Variants in DLGAP1 observed in about 807,000 individuals in gnomAD.
The protein encoded by DLGAP1 is disks large-associated protein 1.
A neutral mutation model predicts 90.8 loss-of-function variants in DLGAP1; 11 were observed. That is an observed-to-expected ratio of 0.12 (90% CI 0.08 to 0.20). The LOEUF is 0.20. Ranked by LOEUF, DLGAP1 falls within the 10% of genes least tolerant of loss-of-function variation. The pLI, the probability that DLGAP1 is intolerant of heterozygous loss-of-function variation, is 1.00. For missense variants in DLGAP1, 1,050 were observed against 1,333.8 expected (o/e 0.79, Z 3.31); for synonymous variants, 558 against 540.7 (o/e 1.03, Z -0.44).
chr18:4,453,248 T>C (rs1183275146), intron 1 of DLGAP1, among the ~76,000 whole-genome samples: 1 of 152,202 alleles, frequency 6.6e-6, no homozygotes, highest in Admixed American at 6.5e-5. Context: ...AGTATGAATT[T>C]TCTGAACCAA....
chr18:4,371,820 A>G (rs2081922944), intron 1 of DLGAP1, among the ~76,000 whole-genome samples: 1 of 152,204 alleles, frequency 6.6e-6, no homozygotes, highest in South Asian at 2.1e-4. Context: ...CTTTTGCTGC[A>G]GTACTTAATC....
intron 1 of DLGAP1, among the ~76,000 whole-genome samples, chr18:4,249,868 C>T (rs758802786): frequency 7.2e-5 from 11 of 152,146 alleles, no homozygotes; most frequent in Non-Finnish European, 5.9e-5. Flanking sequence ...GGATTATGGG[C>T]GTGAGCCACC....
chr18:3,880,168 C>A (rs2148826327), intron 3 of DLGAP1, 28 bp from the exon 4 acceptor site: 1 of 1,081,196 alleles, frequency 9.2e-7, no homozygotes, highest in South Asian at 1.4e-5. Flanking sequence ...AGGGCAAAGT[C>A]GTTAACATTT....
chr18:3,798,002 C>T (rs570004147), intron 5 of DLGAP1, among the ~76,000 whole-genome samples: 1 of 152,182 alleles, frequency 6.6e-6, no homozygotes, highest in Non-Finnish European at 1.5e-5. Context: ...CATTGCCGCT[C>T]TTGCCTTCTG....
intron 2 of DLGAP1, among the ~76,000 whole-genome samples, chr18:4,131,713 G>C (rs1341361283): frequency 2.0e-5 from 3 of 152,136 alleles, no homozygotes; most frequent in Non-Finnish European, 2.9e-5. Context: ...GCCAGGAAAG[G>C]GTGACAAGAA....
At chr18:4,098,798 T>C (rs566599399) in intron 2 of DLGAP1, among the ~76,000 whole-genome samples, 4 of 152,186 alleles carry the variant, frequency 2.6e-5, no homozygotes, top group African/African-American at 9.7e-5. Context: ...TGCATGGTAC[T>C]TTACACTTTA....
At chr18:4,034,376 T>C (rs906714442) in intron 2 of DLGAP1, among the ~76,000 whole-genome samples, 1 of 152,112 alleles carries the variant, frequency 6.6e-6, no homozygotes, top group Non-Finnish European at 1.5e-5. Flanking sequence ...ACTGTATCCA[T>C]TTTAGCCAAG....
At chr18:3,656,144 T>G in intron 7 of DLGAP1, 1 of 1,539,606 alleles carries the variant, frequency 6.5e-7, no homozygotes, top group Non-Finnish European at 8.8e-7. Flanking sequence ...GGCAGTTATA[T>G]AATGGACCCA....
At chr18:3,699,930 A>T (rs1186871755) in intron 7 of DLGAP1, among the ~76,000 whole-genome samples, 1 of 152,152 alleles carries the variant, frequency 6.6e-6, no homozygotes, top group Non-Finnish European at 1.5e-5. Context: ...CTGTGAAGGG[A>T]AAACTGCCTA....
At chr18:3,676,886 C>A (rs2060323570) in intron 7 of DLGAP1, among the ~76,000 whole-genome samples, 1 of 152,178 alleles carries the variant, frequency 6.6e-6, no homozygotes, top group Admixed American at 6.5e-5. Context: ...TCCCTGAATG[C>A]AATCAATGTT....
intron 7 of DLGAP1, among the ~76,000 whole-genome samples, chr18:3,717,651 A>G (rs1166242754): frequency 6.6e-6 from 1 of 152,236 alleles, no homozygotes; most frequent in Non-Finnish European, 1.5e-5. Context: ...AAAGAATTTT[A>G]TGCTTCTGTG....
chr18:4,127,250 G>A (rs1030762331), intron 2 of DLGAP1, among the ~76,000 whole-genome samples: 2 of 152,092 alleles, frequency 1.3e-5, no homozygotes, highest in Non-Finnish European at 2.9e-5. Context: ...GTGTGGTACC[G>A]GCTGGCTGAG....
At position 3,775,650 on chromosome 18, in the gene DLGAP1, G is replaced by A. The variant is rs62083253; in HGVS notation, c.1173-33138C>T. Among the ~76,000 whole-genome samples, 2,016 of 152,270 alleles carry A rather than the reference G, an allele frequency of 0.013. 16 individuals carry two copies. Among genetic ancestry groups the A allele is most frequent in the Middle Eastern group, 0.044 (13 of 294 alleles). ...GAGAACAAACTAATACATTAAATTTGTGTGCCATTTCTTCTATTAATCTGC... is the reference window on the plus strand; with the variant it reads ...GAGAACAAACTAATACATTAAATTTATGTGCCATTTCTTCTATTAATCTGC... On this transcript the variant is annotated intron_variant, in intron 5 of 12. Transcript: ENST00000315677. This position sits in a 1 kb window ranked among gnomAD's most constrained non-coding sequence, Gnocchi z 4.9.
chr18:3,804,276 A>G (rs1333682286), intron 5 of DLGAP1, among the ~76,000 whole-genome samples: 1 of 152,110 alleles, frequency 6.6e-6, no homozygotes, highest in East Asian at 1.9e-4. Flanking sequence ...TGGGCCACCA[A>G]GCCCAGCCAC....
At chr18:3,967,284 C>T (rs762460730) in intron 3 of DLGAP1, among the ~76,000 whole-genome samples, 3 of 152,142 alleles carry the variant, frequency 2.0e-5, no homozygotes, top group East Asian at 1.9e-4. Flanking sequence ...AGGCACTGAG[C>T]GAATCAGCAA....
chr18:3,989,576 T>C (rs2073918894), intron 3 of DLGAP1, among the ~76,000 whole-genome samples: 4 of 59,372 alleles, frequency 6.7e-5, no homozygotes, highest in Non-Finnish European at 6.1e-5. Flanking sequence ...TCAACTAGTT[T>C]GTGTTAATGA....
chr18:3,848,577 A>G (rs1418175672), intron 4 of DLGAP1, among the ~76,000 whole-genome samples: 1 of 152,056 alleles, frequency 6.6e-6, no homozygotes, highest in Non-Finnish European at 1.5e-5. Context: ...TCCCGCCCCC[A>G]TCTCCACCCC....
At chr18:3,583,212 TC>T in intron 7 of DLGAP1, among the ~76,000 whole-genome samples, 1 of 149,474 alleles carries the variant, frequency 6.7e-6, no homozygotes, top group Middle Eastern at 3.4e-3. Flanking sequence ...CTTCCTTCCT[TC>T]CCTCCTCCCT....
intron 3 of DLGAP1, among the ~76,000 whole-genome samples, chr18:3,908,562 G>A (rs1293219836): frequency 6.6e-6 from 1 of 152,104 alleles, no homozygotes; most frequent in Non-Finnish European, 1.5e-5. Flanking sequence ...GTTCAGGTTG[G>A]TGGCCACTGT....
Sources: allele counts gnomAD v4.1 joint callset (sites outside exome capture counted in the v4.1 genomes callset), GRCh38; gene constraint gnomAD v4.1.1; non-coding constraint Gnocchi (gnomAD v3.1); transcripts MANE v1.5; gene names NCBI Gene and HGNC (gene_info 2026-07-23, HGNC 2026-07-21).